The following NAALADL2 variants were observed in gnomAD, a reference collection of about 807,000 sequenced individuals.
NAALADL2 encodes the protein N-acetylated alpha-linked acidic dipeptidase like 2.
Under a neutral mutation model 87.2 loss-of-function variants are expected in NAALADL2, and 76 were observed. That is an observed-to-expected ratio of 0.87 (90% CI 0.72 to 1.05). The LOEUF (loss-of-function observed/expected upper bound fraction) is 1.05, where lower values mean the gene tolerates loss of function less well. Among genes scored for constraint, NAALADL2 ranks in the 50% least tolerant of loss-of-function variants. The pLI, the probability that NAALADL2 is intolerant of heterozygous loss-of-function variation, is 0.00. For missense variants in NAALADL2, 1,089 were observed against 945.8 expected (o/e 1.15, Z -1.99); for synonymous variants, 354 against 331.0 (o/e 1.07, Z -0.75).
chr3:175,259,711 A>G (rs1468368741), intron 4 of NAALADL2, among the ~76,000 whole-genome samples: 1 of 152,196 alleles, frequency 6.6e-6, no homozygotes, highest in East Asian at 1.9e-4. Flanking sequence ...TACAGAAACA[A>G]GCTTTTGAAA....
At chr3:175,799,086 A>G (rs1753826814) in intron 13 of NAALADL2, among the ~76,000 whole-genome samples, 1 of 152,106 alleles carries the variant, frequency 6.6e-6, no homozygotes, top group Non-Finnish European at 1.5e-5. Flanking sequence ...TCAGCATACT[A>G]AACAATTTGT....
chr3:175,746,753 G>C (rs1304188933), intron 12 of NAALADL2, among the ~76,000 whole-genome samples: 1 of 152,160 alleles, frequency 6.6e-6, no homozygotes, highest in African/African-American at 2.4e-5. Context: ...CAAATTAATA[G>C]AGAAGTTTAA....
chr3:175,016,250 A>T (rs570983205), intron 1 of NAALADL2, among the ~76,000 whole-genome samples: 2 of 133,480 alleles, frequency 1.5e-5, no homozygotes, highest in East Asian at 4.0e-4. Context: ...CCTATCTCAG[A>T]TAAATTATTT....
At chr3:175,314,549 C>A (rs1475868662) in intron 4 of NAALADL2, among the ~76,000 whole-genome samples, 2 of 111,006 alleles carry the variant, frequency 1.8e-5, no homozygotes, top group East Asian at 5.0e-4. Flanking sequence ...TTAATACTTA[C>A]CTTCACATTC....
At chr3:175,239,617 A>C (rs949635800) in intron 3 of NAALADL2, among the ~76,000 whole-genome samples, 1 of 152,272 alleles carries the variant, frequency 6.6e-6, no homozygotes, top group East Asian at 1.9e-4. Flanking sequence ...TTTTATCTGA[A>C]AGATAAGCCA....
intron 2 of NAALADL2, among the ~76,000 whole-genome samples, chr3:175,150,590 C>A (rs757577829): frequency 1.3e-5 from 2 of 152,066 alleles, no homozygotes; most frequent in Non-Finnish European, 2.9e-5. Context: ...GGTAGCATAG[C>A]CAGTTCGAAT....
At chr3:175,423,027 A>AT (rs1581817991) in intron 5 of NAALADL2, among the ~76,000 whole-genome samples, 8 of 100,066 alleles carry the variant, frequency 8.0e-5, no homozygotes, top group South Asian at 3.2e-4. Flanking sequence ...AGAAAAAAAA[A>AT]AATATATATA....
intron 3 of NAALADL2, among the ~76,000 whole-genome samples, chr3:174,831,261 T>C (rs1163987787): frequency 6.6e-6 from 1 of 150,450 alleles, no homozygotes; most frequent in Admixed American, 6.6e-5. Flanking sequence ...AGATAGCTCT[T>C]ATTATTTTGA....
intron 2 of NAALADL2, among the ~76,000 whole-genome samples, chr3:174,683,933 G>A (rs1310439364): frequency 6.6e-6 from 1 of 151,874 alleles, no homozygotes; most frequent in Non-Finnish European, 1.5e-5. Flanking sequence ...ATTAGGGAAA[G>A]TTTTAAAAGA....
At chr3:174,560,854 T>A (rs547117015) in intron 2 of NAALADL2, among the ~76,000 whole-genome samples, 2 of 152,158 alleles carry the variant, frequency 1.3e-5, no homozygotes, top group Non-Finnish European at 2.9e-5. Flanking sequence ...CTGAAAAATC[T>A]CTCTTTGACC....
chr3:175,288,276 G>T (rs1246588823), intron 4 of NAALADL2, among the ~76,000 whole-genome samples: 2 of 152,030 alleles, frequency 1.3e-5, no homozygotes, highest in Non-Finnish European at 2.9e-5. Context: ...TAACATTTTT[G>T]TTCTATTCAG....
intron 13 of NAALADL2, 117 bp downstream of exon 13, chr3:175,755,535 G>C (rs1043360564): frequency 2.3e-5 from 16 of 691,976 alleles, no homozygotes; most frequent in African/African-American, 3.7e-5. Context: ...TTATAAAGCA[G>C]TTACTCATTT....
chr3:175,120,013 G>A (rs1725918514), intron 2 of NAALADL2, among the ~76,000 whole-genome samples: 1 of 150,950 alleles, frequency 6.6e-6, no homozygotes, highest in African/African-American at 2.4e-5. Context: ...CACTGCTATT[G>A]AAGTTTGAAT....
intron 11 of NAALADL2, among the ~76,000 whole-genome samples, chr3:175,694,370 CAATG>C: frequency 6.6e-6 from 1 of 152,114 alleles, no homozygotes; most frequent in South Asian, 2.1e-4. Flanking sequence ...TTATTTCTAA[CAATG>C]AAAGCATGTC....
Position 175,048,977 on chromosome 3 carries a change from CA to C in NAALADL2, c.44-47812del, listed in dbSNP as rs560430483. Among the ~76,000 whole-genome samples, 3 of 152,186 alleles carry C rather than the reference CA, an allele frequency of 2.0e-5. No individual in the cohort carries two copies. In the South Asian group the frequency reaches 6.2e-4, roughly 32 times the overall value. ...TTTATTTTCTCTATTAGAAAAATAA[CA>C]GTATAAATTAGGGATGTAATCAGTT... On this transcript the variant is annotated intron_variant, in intron 1 of 13. Transcript: ENST00000454872.
chr3:175,138,179 G>T (rs919963976), intron 2 of NAALADL2, among the ~76,000 whole-genome samples: 1 of 152,118 alleles, frequency 6.6e-6, no homozygotes, highest in African/African-American at 2.4e-5. Context: ...GAAGACTGAG[G>T]TTCAAAAAGT....
chr3:175,009,692 A>G (rs1749525074), intron 1 of NAALADL2, among the ~76,000 whole-genome samples: 2 of 143,308 alleles, frequency 1.4e-5, no homozygotes, highest in South Asian at 4.1e-4. Flanking sequence ...TTGCTTCTAG[A>G]TGAAGACATT....
intron 9 of NAALADL2, among the ~76,000 whole-genome samples, chr3:175,515,475 A>G (rs569810378): frequency 6.6e-6 from 1 of 152,234 alleles, no homozygotes; most frequent in Middle Eastern, 3.4e-3. Flanking sequence ...AATTAGCTCA[A>G]TGTTATTTGT....
At position 175,256,481 on chromosome 3, in the gene NAALADL2, CA is replaced by C; in HGVS notation, c.893del (p.Asn298IlefsTer6). 1 of 1,612,682 alleles carries C rather than the reference CA, an allele frequency of 6.2e-7. No homozygotes were observed. The highest frequency in any genetic ancestry group is 1.1e-5 in the South Asian group (1 of 90,940). On this transcript the variant is annotated frameshift_variant, in exon 4 of 14. Transcript: ENST00000454872. LOFTEE classifies it high-confidence loss of function. ...LKRIRKIKNV[T>X]NQIALLKLGK... is the part of the protein sequence containing the mutation. ...AGGATTAGGAAAATAAAAAACGTAA[CA>C]AATCAGATCGCACTCCTGAAATTAG...
Sources: allele counts gnomAD v4.1 joint callset (sites outside exome capture counted in the v4.1 genomes callset), GRCh38; gene constraint gnomAD v4.1.1; transcripts MANE v1.5; gene names NCBI Gene and HGNC (gene_info 2026-07-23, HGNC 2026-07-21).